Variants in STARD9 observed in about 807,000 individuals in gnomAD.
The protein encoded by STARD9 is stAR-related lipid transfer protein 9.
STARD9 carries 346 observed loss-of-function variants against 399.8 expected under a neutral mutation model. The ratio of observed to expected loss-of-function variants is 0.87; its 90% CI spans 0.79 to 0.95. The LOEUF (loss-of-function observed/expected upper bound fraction) is 0.95, where lower values mean the gene tolerates loss of function less well. STARD9 is among the 40% of genes least tolerant of loss of function. The probability of loss-of-function intolerance (pLI) is 0.00; values close to 1 mark genes in which losing one functional copy is unlikely to be tolerated. For missense variants in STARD9, 5,832 were observed against 5,667.5 expected (o/e 1.03, Z -0.93); for synonymous variants, 2,203 against 2,143.5 (o/e 1.03, Z -0.77).
chr15:42,669,178 C>G lies in STARD9; in HGVS notation c.1338C>G (p.Asp446Glu), dbSNP rs1436319451. 19 of 1,535,074 alleles carry G rather than the reference C, an allele frequency of 1.2e-5. No homozygotes were observed. Among genetic ancestry groups the G allele is most frequent in the Admixed American group, 5.9e-5 (3 of 50,962 alleles). Residue 446 changes from aspartate (D) to glutamate (E), a missense_variant, in exon 16 of 33, where the codon GAC (aspartate) becomes GAG (glutamate). By Grantham distance (45) the Asp-to-Glu change is conservative. This residue lies in a region of STARD9 where 5,828 missense variants were observed against 5,651.1 expected (regional missense o/e 1.03). Coordinates refer to ENST00000290607, the MANE Select transcript of STARD9 (RefSeq NM_020759.3). ...NELKIDQLTK[D>E]WTQKWNDWQA... ...TGCAGATAGACCAGCTGACTAAAGA[C>G]TGGACCCAGAAGTGGAATGATTGGC...
At chr15:42,598,561 C>T (rs1481425793) in intron 3 of STARD9, among the ~76,000 whole-genome samples, 2 of 151,802 alleles carry the variant, frequency 1.3e-5, no homozygotes, top group Non-Finnish European at 2.9e-5. Context: ...CCCCAGATAA[C>T]TATCCAGTTG....
At chr15:42,665,556 G>T (rs1284613754) in intron 14 of STARD9, among the ~76,000 whole-genome samples, 3 of 152,206 alleles carry the variant, frequency 2.0e-5, no homozygotes, top group African/African-American at 4.8e-5. Context: ...TGCCTGGATG[G>T]TCCTTGCCCT....
chr15:42,663,676 C>G (rs1391501931), intron 12 of STARD9, 144 bp from the exon 13 acceptor site: 4 of 680,562 alleles, frequency 5.9e-6, no homozygotes, highest in African/African-American at 5.4e-5. Context: ...GACTGGTACT[C>G]TATCTCAGAG....
At chr15:42,713,125 G>A (rs530900324) in intron 26 of STARD9, among the ~76,000 whole-genome samples, 43 of 152,226 alleles carry the variant, frequency 2.8e-4, no homozygotes, top group African/African-American at 9.6e-4. Context: ...ACAATGTTTC[G>A]AAGTTTTCAG....
At position 42,685,995 on chromosome 15, in the gene STARD9, T is replaced by G. The variant is rs1202495453; in HGVS notation, c.4417T>G (p.Leu1473Val). 1 of 1,537,144 alleles carries G rather than the reference T, an allele frequency of 6.5e-7. No homozygotes were observed. The highest frequency in any genetic ancestry group is 8.7e-7 in the Non-Finnish European group (1 of 1,146,910). ...CGTGCTGGCTGCCTCTGCCACCACC[T>G]TGACTCATGTAGGCAGCACCCATGA... ...SNVLAASATT[L>V]THVGSTHERD... The change falls in exon 23 of 33, where the codon TTG becomes GTG. Residue 1473 changes from leucine (L) to valine (V), a missense_variant. Physicochemically the swap from Leu to Val is conservative, Grantham distance 32. Transcript: ENST00000290607.
Position 42,692,299 on chromosome 15 carries a change from G to A in STARD9, c.10721G>A (p.Ser3574Asn). The change falls in exon 23 of 33, where the codon AGC becomes AAC. Residue 3574 changes from serine to asparagine, a missense_variant. Around this residue, in one of 2 missense-constraint regions of STARD9, gnomAD observed 5,828 missense variants for 5,651.1 expected, o/e 1.03. Transcript: ENST00000290607. The part of the protein sequence containing the change: ...IALGDPHIPT[S>N]PEGVAPTSGH... ...TTAGGAGACCCCCACATCCCGACGA[G>A]CCCTGAAGGAGTAGCCCCCACTTCG... 1.3e-6 allele frequency: 2 copies of A among 1,537,056 alleles called. No individual in the cohort carries two copies. Among genetic ancestry groups the A allele is most frequent in the Non-Finnish European group, 1.7e-6 (2 of 1,146,900 alleles).
intron 26 of STARD9, among the ~76,000 whole-genome samples, chr15:42,715,331 G>A (rs1190417959): frequency 6.6e-6 from 1 of 152,150 alleles, no homozygotes; most frequent in Non-Finnish European, 1.5e-5. Flanking sequence ...CAAACAGCGA[G>A]ACTGGTTGCA....
Position 42,575,777 on chromosome 15 carries a change from G to C in STARD9, c.47+15G>C. 6.5e-7 allele frequency: 1 copy of C among 1,536,900 alleles called. No homozygotes were observed. Reference sequence around the variant, plus strand: ...CTCAGCAAGAGGTGAGTCTCCGCGGGAGAGGGCGCCTGAGGCTTCACAGGA... The same window carrying C: ...CTCAGCAAGAGGTGAGTCTCCGCGGCAGAGGGCGCCTGAGGCTTCACAGGA... On this transcript the variant is annotated intron_variant, in intron 1 of 32. Coordinates refer to ENST00000290607, the MANE Select transcript of STARD9 (RefSeq NM_020759.3).
chr15:42,676,027 GTCCATGACAGCATGGA>G (rs2060304820), intron 20 of STARD9, 52 bp downstream of exon 20: 1 of 733,734 alleles, frequency 1.4e-6, no homozygotes, highest in African/African-American at 1.9e-5. Flanking sequence ...TCGCTTCTTA[GTCCATGACAGCATGGA>G]TCAGGGTGGG....
At position 42,691,519 on chromosome 15, in the gene STARD9, G is replaced by T. The variant is rs914183989; in HGVS notation, c.9941G>T (p.Gly3314Val). ...GSLPVTTIFS[G>V]PKHSRSSPTP... ...CTTCCTGTGACTACAATCTTCTCTG[G>T]CCCCAAACACTCCAGGTCCTCCCCC... Residue 3314 changes from glycine (G) to valine (V), a missense_variant, in exon 23 of 33, where the codon GGC becomes GTC. By Grantham distance (109) the Gly-to-Val change is moderately radical (BLOSUM62 -3). Transcript: ENST00000290607. 6.5e-7 allele frequency: 1 copy of T among 1,537,206 alleles called. No individual in the cohort carries two copies. The highest frequency in any genetic ancestry group is 8.7e-7 in the Non-Finnish European group (1 of 1,146,902).
chr15:42,648,899 A>C (rs1318265972), intron 7 of STARD9, among the ~76,000 whole-genome samples: 1 of 151,656 alleles, frequency 6.6e-6, no homozygotes, highest in East Asian at 1.9e-4. Flanking sequence ...TTCTATATTT[A>C]ATTAATTAAT....
chr15:42,638,656 T>A (rs2059468680), intron 6 of STARD9, 44 bp from the exon 7 acceptor site: 1 of 1,382,350 alleles, frequency 7.2e-7, no homozygotes, highest in Admixed American at 2.2e-5. Context: ...GTTTCTACTT[T>A]TTTTCAAAAT....
At position 42,692,390 on chromosome 15, in the gene STARD9, C is replaced by T. The variant is rs1441907337; in HGVS notation, c.10812C>T (p.Pro3604=). 3.3e-6 allele frequency: 5 copies of T among 1,536,970 alleles called. No individual in the cohort carries two copies. Among genetic ancestry groups the T allele is most frequent in the Admixed American group, 2.0e-5 (1 of 50,994 alleles). Residue 3604 remains proline (P), a synonymous_variant, in exon 23 of 33, where the codon CCC becomes CCT. Coordinates refer to ENST00000290607, the MANE Select transcript of STARD9 (RefSeq NM_020759.3). ...SGEADCLRSK[P]PLAKGSAAGP... The stretch of plus-strand genomic sequence containing the variant: ...AAGCAGACTGTCTGAGGAGTAAGCC[C>T]CCCTTGGCCAAAGGAAGTGCTGCAG...
intron 3 of STARD9, among the ~76,000 whole-genome samples, chr15:42,620,209 A>C (rs938381038): frequency 1.3e-5 from 2 of 152,224 alleles, no homozygotes; most frequent in African/African-American, 2.4e-5. Flanking sequence ...GTTTGGGCCA[A>C]CTTGAGCATT....
chr15:42,716,317 G>T (rs1425212865), intron 26 of STARD9, among the ~76,000 whole-genome samples: 5 of 152,062 alleles, frequency 3.3e-5, no homozygotes, highest in Non-Finnish European at 5.9e-5. Context: ...CTCTAGCCAT[G>T]GCCTCATTCC....
At position 42,687,577 on chromosome 15, in the gene STARD9, A is replaced by C; in HGVS notation, c.5999A>C (p.Lys2000Thr). ...SSEEFKLPGT[K>T]PAYERFQLVA... ...GAAGAGTTTAAGCTTCCAGGTACAA[A>C]GCCTGCATATGAAAGGTTCCAGTTA... The change falls in exon 23 of 33, where the codon AAG becomes ACG. Residue 2000 changes from lysine to threonine, a missense_variant. Lys to Thr is a moderately conservative substitution (Grantham distance 78). Around this residue, in one of 2 missense-constraint regions of STARD9, gnomAD observed 5,828 missense variants for 5,651.1 expected, o/e 1.03. Transcript: ENST00000290607. 6.5e-7 allele frequency: 1 copy of C among 1,537,104 alleles called. No homozygotes were observed. Among genetic ancestry groups the C allele is most frequent in the Non-Finnish European group, 8.7e-7 (1 of 1,146,914 alleles).
chr15:42,580,808 C>A (rs952460594), intron 1 of STARD9, among the ~76,000 whole-genome samples: 1 of 152,032 alleles, frequency 6.6e-6, no homozygotes, highest in South Asian at 2.1e-4. Flanking sequence ...CAGAGCAAGA[C>A]TTTGTCTAAA....
intron 3 of STARD9, among the ~76,000 whole-genome samples, chr15:42,610,828 T>G (rs149462255): frequency 1.4e-3 from 212 of 152,326 alleles, no homozygotes; most frequent in African/African-American, 4.9e-3. Flanking sequence ...ATTACAGGCG[T>G]GAGCTACCGT....
intron 26 of STARD9, among the ~76,000 whole-genome samples, chr15:42,698,153 C>CT (rs1313151760): frequency 2.0e-5 from 3 of 152,186 alleles, no homozygotes; most frequent in Non-Finnish European, 4.4e-5. Flanking sequence ...AGTATTCTAA[C>CT]TTGGGTTGCT....
Sources: gnomAD v4.1 joint callset for allele counts (sites outside exome capture counted in the v4.1 genomes callset) on GRCh38, gnomAD v4.1.1 for gene constraint, gnomAD v4.1.1 regional missense constraint, MANE v1.5 for transcripts, NCBI Gene and HGNC (gene_info 2026-07-23, HGNC 2026-07-21) for gene names.